Variants in RAD51B observed in about 807,000 individuals in gnomAD.
RAD51B encodes DNA repair protein RAD51 homolog 2.
Under a neutral mutation model 42.2 loss-of-function variants are expected in RAD51B, and 38 were observed. The ratio of observed to expected loss-of-function variants is 0.90; its 90% CI spans 0.70 to 1.18. The LOEUF is 1.18. Ranked by LOEUF, RAD51B falls within the 50% of genes most tolerant of loss-of-function variation. RAD51B has a pLI of 0.00. For missense variants in RAD51B, 373 were observed against 400.7 expected (o/e 0.93, Z 0.59); for synonymous variants, 154 against 145.2 (o/e 1.06, Z -0.43).
At chr14:68,674,233 G>GTA in intron 11 of RAD51B, among the ~76,000 whole-genome samples, 1 of 151,950 alleles carries the variant, frequency 6.6e-6, no homozygotes, top group Middle Eastern at 3.4e-3. Flanking sequence ...ACACACATAT[G>GTA]TATACACACG....
chr14:67,833,579 A>C (rs2041130922), intron 3 of RAD51B, among the ~76,000 whole-genome samples: 1 of 152,180 alleles, frequency 6.6e-6, no homozygotes, highest in African/African-American at 2.4e-5. Context: ...ATGGGCAGGG[A>C]GTGTCTACAG....
intron 7 of RAD51B, among the ~76,000 whole-genome samples, chr14:68,002,153 A>C (rs914142113): frequency 6.6e-6 from 1 of 151,906 alleles, no homozygotes; most frequent in Non-Finnish European, 1.5e-5. Context: ...ACTAATTTAC[A>C]CTCCCACCAA....
intron 4 of RAD51B, among the ~76,000 whole-genome samples, chr14:67,859,919 C>T (rs1007849129): frequency 1.1e-4 from 16 of 152,086 alleles, no homozygotes; most frequent in Admixed American, 3.3e-4. Flanking sequence ...CTCCCAGGTT[C>T]GTGCGATTCT....
At chr14:67,893,779 A>T (rs2043314777) in intron 7 of RAD51B, among the ~76,000 whole-genome samples, 1 of 152,148 alleles carries the variant, frequency 6.6e-6, no homozygotes, top group African/African-American at 2.4e-5. Flanking sequence ...CACTGGCTGT[A>T]TTTGGAGAAG....
In RAD51B at chr14:68,041,631, T is replaced by G. The variant is rs539068086; in HGVS notation, c.756+154427T>G. ...GTCAAGTTCTTGCCCCTTCTAATGGTCTGGTCATTTCTTTTCCTGTCTGCC... is the reference window on the plus strand; with the variant it reads ...GTCAAGTTCTTGCCCCTTCTAATGGGCTGGTCATTTCTTTTCCTGTCTGCC... On this transcript the variant is annotated intron_variant, in intron 7 of 10. Coordinates refer to ENST00000471583, the MANE Select transcript of RAD51B (RefSeq NM_133510.4). Among the ~76,000 whole-genome samples, 7 of 152,118 alleles carry G rather than the reference T, an allele frequency of 4.6e-5. No homozygotes were observed. In the East Asian group the frequency reaches 1.4e-3, roughly 29 times the overall value.
chr14:67,950,601 C>T (rs2074426230), intron 7 of RAD51B, among the ~76,000 whole-genome samples: 1 of 152,172 alleles, frequency 6.6e-6, no homozygotes, highest in Non-Finnish European at 1.5e-5. Flanking sequence ...GGGGTAGCAG[C>T]ACATTTAATT....
At chr14:68,398,677 C>T (rs576701481) in intron 8 of RAD51B, among the ~76,000 whole-genome samples, 2 of 152,056 alleles carry the variant, frequency 1.3e-5, no homozygotes, top group Admixed American at 6.5e-5. Flanking sequence ...CTCTCTATTC[C>T]TCTTGGGAAG....
At chr14:68,639,099 TG>T (rs1892402358) in intron 10 of RAD51B, among the ~76,000 whole-genome samples, 1 of 151,934 alleles carries the variant, frequency 6.6e-6, no homozygotes, top group African/African-American at 2.4e-5. Flanking sequence ...GGAGCTTCCT[TG>T]GGGGAGGGGA....
At chr14:68,648,775 ACTCAATTTC>A (rs1295254552) in intron 10 of RAD51B, among the ~76,000 whole-genome samples, 2 of 151,544 alleles carry the variant, frequency 1.3e-5, no homozygotes, top group African/African-American at 4.9e-5. Context: ...CCTCCTTGGG[ACTCAATTTC>A]CTCATTACTA....
intron 7 of RAD51B, among the ~76,000 whole-genome samples, chr14:68,053,286 G>T (rs538009842): frequency 2.0e-5 from 3 of 152,082 alleles, no homozygotes; most frequent in Non-Finnish European, 2.9e-5. Flanking sequence ...CGAAAGAATG[G>T]GCTCTAGAAA....
intron 7 of RAD51B, among the ~76,000 whole-genome samples, chr14:67,995,265 T>C (rs1043891626): frequency 6.6e-6 from 1 of 151,956 alleles, no homozygotes; most frequent in African/African-American, 2.4e-5. Context: ...CACGCACCTG[T>C]AGTCCCAGCT....
chr14:68,229,392 G>A (rs1186838581), intron 7 of RAD51B, among the ~76,000 whole-genome samples: 1 of 152,152 alleles, frequency 6.6e-6, no homozygotes, highest in Non-Finnish European at 1.5e-5. Flanking sequence ...GCCCTTTGTG[G>A]ATAAGATGAG....
In RAD51B at chr14:68,107,932, TATG is replaced by T. The variant is rs1282361962; in HGVS notation, c.757-183949_757-183947del. 2.0e-5 allele frequency among the ~76,000 whole-genome samples: 3 copies of T among 151,828 alleles called. No individual in the cohort carries two copies. The East Asian group carries it at 5.8e-4, about 29-fold the overall frequency. On this transcript the variant is annotated intron_variant, in intron 7 of 10. Transcript: ENST00000471583. The stretch of plus-strand genomic sequence containing the variant: ...GAAGAAAGTAATTGCAAATCTTACA[TATG>T]ATAAGGGTCTAGTATCCAGAAAATA...
At chr14:68,587,196 T>A (rs1890531595) in intron 10 of RAD51B, among the ~76,000 whole-genome samples, 1 of 152,044 alleles carries the variant, frequency 6.6e-6, no homozygotes, top group African/African-American at 2.4e-5. Context: ...GGGAGAGTGG[T>A]CAGGGCACTG....
chr14:68,612,559 G>A (rs1472764013), downstream of RAD51B, among the ~76,000 whole-genome samples: 1 of 152,192 alleles, frequency 6.6e-6, no homozygotes, highest in Non-Finnish European at 1.5e-5. Context: ...GGTACCTAGA[G>A]GAGTCAAATT....
intron 7 of RAD51B, among the ~76,000 whole-genome samples, chr14:68,029,283 C>T (rs1322516899): frequency 2.0e-5 from 3 of 152,180 alleles, no homozygotes; most frequent in Non-Finnish European, 4.4e-5. Context: ...ATCTAGTCAG[C>T]CATCTTGTCC....
intron 7 of RAD51B, among the ~76,000 whole-genome samples, chr14:68,003,403 C>T (rs1034299432): frequency 2.6e-5 from 4 of 152,144 alleles, no homozygotes; most frequent in South Asian, 2.1e-4. Context: ...TGCTTATCAG[C>T]GTAAGAAGCT....
At chr14:67,991,650 C>G (rs1054619189) in intron 7 of RAD51B, among the ~76,000 whole-genome samples, 24 of 152,092 alleles carry the variant, frequency 1.6e-4, no homozygotes, top group Non-Finnish European at 1.8e-4. Flanking sequence ...TTATATATAT[C>G]AACAAAGAGT....
chr14:68,443,546 T>G (rs1208284481), intron 9 of RAD51B, among the ~76,000 whole-genome samples: 1 of 152,206 alleles, frequency 6.6e-6, no homozygotes, highest in African/African-American at 2.4e-5. Flanking sequence ...GTGAGCCTTA[T>G]GTGGATTTGC....
Sources: gnomAD v4.1 joint callset for allele counts (sites outside exome capture counted in the v4.1 genomes callset) on GRCh38, gnomAD v4.1.1 for gene constraint, MANE v1.5 for transcripts, NCBI Gene and HGNC (gene_info 2026-07-23, HGNC 2026-07-21) for gene names.